Variants in SNX29 observed in about 807,000 individuals in gnomAD.
SNX29 encodes the protein sorting nexin 29.
A neutral mutation model predicts 102.1 loss-of-function variants in SNX29; 78 were observed. That is an observed-to-expected ratio of 0.76 (90% CI 0.64 to 0.92). The LOEUF (loss-of-function observed/expected upper bound fraction) is 0.92, where lower values mean the gene tolerates loss of function less well. Ranked by LOEUF, SNX29 falls within the 40% of genes least tolerant of loss-of-function variation. SNX29 has a pLI of 0.00. For synonymous variants in SNX29, 580 were observed against 414.5 expected (o/e 1.40, Z -4.85); for missense variants, 1,280 against 1,061.7 (o/e 1.21, Z -2.86).
chr16:12,567,712 T>C (rs543555982), intron 20 of SNX29, among the ~76,000 whole-genome samples: 23 of 152,260 alleles, frequency 1.5e-4, no homozygotes, highest in African/African-American at 5.5e-4. Flanking sequence ...CAGCAAGTTA[T>C]CATTACACGA....
At chr16:12,497,778 C>T (rs2088904485) in intron 19 of SNX29, among the ~76,000 whole-genome samples, 1 of 152,168 alleles carries the variant, frequency 6.6e-6, no homozygotes, top group African/African-American at 2.4e-5. Context: ...CACTAGGCGC[C>T]TCAGGCAGAA....
intron 16 of SNX29, chr16:12,374,360 C>G (rs530746242): frequency 6.6e-6 from 1 of 152,342 alleles, no homozygotes; most frequent in African/African-American, 2.4e-5. Flanking sequence ...GATGCAGTAA[C>G]CTACAAGTGT....
chr16:12,364,416 C>CTTCTTTTTTTTTTTTTT (rs1555520124), intron 16 of SNX29, among the ~76,000 whole-genome samples: 4 of 98,796 alleles, frequency 4.0e-5, no homozygotes, highest in African/African-American at 1.0e-4. Flanking sequence ...CTCTCTTCTT[C>CTTCTTTTTTTTTTTTTT]TTTTTTTTTT....
chr16:12,187,238 C>T (rs1243421063), intron 13 of SNX29, among the ~76,000 whole-genome samples: 5 of 152,222 alleles, frequency 3.3e-5, no homozygotes, highest in African/African-American at 1.2e-4. Flanking sequence ...GTTACCTGCA[C>T]TGCCCCTCTA....
chr16:12,066,152 C>G (rs1203512479), intron 9 of SNX29, among the ~76,000 whole-genome samples: 3 of 152,140 alleles, frequency 2.0e-5, no homozygotes, highest in Non-Finnish European at 4.4e-5. Context: ...CTGTGGATTT[C>G]CACTCTGCAT....
At chr16:12,330,527 T>C (rs2081264182) in intron 15 of SNX29, among the ~76,000 whole-genome samples, 2 of 152,168 alleles carry the variant, frequency 1.3e-5, no homozygotes, top group South Asian at 4.1e-4. Context: ...AACTGTTTAA[T>C]CCTCCCGACA....
intron 11 of SNX29, chr16:12,086,812 A>T (rs1008380893): frequency 1.3e-5 from 2 of 152,156 alleles, no homozygotes; most frequent in African/African-American, 4.8e-5. Context: ...CAATGTTTCA[A>T]TAAAATTTTG....
chr16:12,165,790 C>T (rs2055993126), intron 13 of SNX29, among the ~76,000 whole-genome samples: 1 of 152,268 alleles, frequency 6.6e-6, no homozygotes, highest in African/African-American at 2.4e-5. Flanking sequence ...TCTCGAACTC[C>T]TGGCCTCAAC....
chr16:11,985,098 TC>T (rs199629247), intron 1 of SNX29, among the ~76,000 whole-genome samples: 146 of 151,846 alleles, frequency 9.6e-4, no homozygotes, highest in African/African-American at 2.9e-3. Context: ...CACTTTTGAT[TC>T]CTTTTTTTTT....
At chr16:12,549,108 G>T (rs1251303356) in intron 20 of SNX29, among the ~76,000 whole-genome samples, 1 of 152,200 alleles carries the variant, frequency 6.6e-6, no homozygotes, top group Non-Finnish European at 1.5e-5. Context: ...ATTTCTTGGG[G>T]ACATAGCAGA....
chr16:12,061,342 T>G (rs1326002260), intron 8 of SNX29, among the ~76,000 whole-genome samples, 186 bp from the exon 9 acceptor site: 1 of 152,198 alleles, frequency 6.6e-6, no homozygotes, highest in East Asian at 1.9e-4. Flanking sequence ...AAACACTGGT[T>G]GAGAGAACAA....
intron 8 of SNX29, among the ~76,000 whole-genome samples, chr16:12,056,554 C>G (rs1250132531): frequency 1.3e-5 from 2 of 152,176 alleles, no homozygotes; most frequent in East Asian, 1.9e-4. Context: ...GGGAATGCAG[C>G]CAGACCAGGA....
chr16:12,428,428 A>C (rs568428053), intron 18 of SNX29, among the ~76,000 whole-genome samples: 25 of 152,210 alleles, frequency 1.6e-4, no homozygotes, highest in Middle Eastern at 3.4e-3. Flanking sequence ...TAACTTTAAA[A>C]AATGCTAAAA....
chr16:12,059,289 C>A (rs916256597), intron 8 of SNX29, among the ~76,000 whole-genome samples: 2 of 152,210 alleles, frequency 1.3e-5, no homozygotes, highest in African/African-American at 4.8e-5. Context: ...CCTGAAAGGG[C>A]GCCCCTGACC....
At chr16:12,374,352 T>C (rs964754912) in intron 16 of SNX29, 2 of 152,362 alleles carry the variant, frequency 1.3e-5, no homozygotes, top group East Asian at 3.9e-4. Flanking sequence ...CCTCACCAGA[T>C]GCAGTAACCT....
chr16:12,551,919 C>T (rs1055975501), intron 20 of SNX29, among the ~76,000 whole-genome samples: 10 of 152,198 alleles, frequency 6.6e-5, no homozygotes, highest in African/African-American at 7.2e-5. Flanking sequence ...TACCCTACCA[C>T]ACAGAGCCAC....
At chr16:12,304,334 G>A (rs933079034) in intron 15 of SNX29, among the ~76,000 whole-genome samples, 12 of 152,168 alleles carry the variant, frequency 7.9e-5, no homozygotes, top group Non-Finnish European at 1.5e-4. Flanking sequence ...GCGCAATGGC[G>A]AGATCTTGGC....
intron 14 of SNX29, among the ~76,000 whole-genome samples, chr16:12,241,163 A>G (rs774072906): frequency 6.6e-6 from 1 of 152,162 alleles, no homozygotes; most frequent in Non-Finnish European, 1.5e-5. Flanking sequence ...CCGGGATTCC[A>G]ATTATAATTT....
intron 17 of SNX29, among the ~76,000 whole-genome samples, chr16:12,400,846 G>A (rs564450453): frequency 2.1e-4 from 31 of 148,692 alleles, no homozygotes; most frequent in Admixed American, 1.1e-3. Flanking sequence ...ATTTAGAGAC[G>A]GAGTCTTGCT....
Sources: gnomAD v4.1 joint callset for allele counts (sites outside exome capture counted in the v4.1 genomes callset) on GRCh38, gnomAD v4.1.1 for gene constraint, MANE v1.5 for transcripts, NCBI Gene and HGNC (gene_info 2026-07-23, HGNC 2026-07-21) for gene names.